DISC1: variants seen among roughly 807,000 people sequenced by gnomAD.
DISC1 encodes disrupted in schizophrenia 1 protein.
Under a neutral mutation model 84.5 loss-of-function variants are expected in DISC1, and 57 were observed. The ratio of observed to expected loss-of-function variants is 0.67; its 90% confidence interval spans 0.55 to 0.84. DISC1 has a LOEUF of 0.84. DISC1 is among the 40% of genes least tolerant of loss of function. The probability of loss-of-function intolerance (pLI) is 0.00; values close to 1 mark genes in which losing one functional copy is unlikely to be tolerated. For synonymous variants in DISC1, 411 were observed against 415.2 expected, an observed-to-expected ratio of 0.99 and a Z score of 0.12; for missense variants, 1,000 against 1,057.8, an observed-to-expected ratio of 0.95 and a Z score of 0.76.
Position 231,826,462 on chromosome 1 carries a change from A to G in DISC1, c.1981+7945A>G, listed in dbSNP as rs1480912542. Among the ~76,000 whole-genome samples, 1 of 152,176 alleles carries G rather than the reference A, an allele frequency of 6.6e-6. No homozygotes were observed. The highest frequency in any genetic ancestry group is 1.5e-5 in the Non-Finnish European group (1 of 68,038). On this transcript the variant is annotated intron_variant, in intron 9 of 12. Coordinates refer to ENST00000439617, the MANE Select transcript of DISC1 (RefSeq NM_018662.3). The surrounding 1 kb of genome is among the most constrained non-coding windows in gnomAD (Gnocchi z 4.2). ...TTTTTTTTCATTTTTGAAGTTTTCA[A>G]GCACCCTCCCTATATTTTGTGCCTG...
chr1:231,945,139 A>G (rs998305231), intron 9 of DISC1: 8 of 152,154 alleles, frequency 5.3e-5, no homozygotes, highest in African/African-American at 1.9e-4. Context: ...AACTTAATCC[A>G]TCACATAAAT....
chr1:232,040,736 C>A lies in DISC1; in HGVS notation c.*3905C>A, dbSNP rs972305897. ...GGTTAGGGAGTCAAAGAAACTGAGC[C>A]TGGGGCAAACGAGGCTTCCCACACT... On this transcript the variant is annotated 3_prime_UTR_variant, in exon 13 of 13. Coordinates refer to ENST00000439617, the MANE Select transcript of DISC1 (RefSeq NM_018662.3). 6.6e-6 allele frequency: 1 copy of A among 152,206 alleles called. No homozygotes were observed. The highest frequency in any genetic ancestry group is 2.4e-5 in the African/African-American group (1 of 41,444). The allele number at this position is 152,206 out of a possible 1,614,324, so 9.4% of individuals were successfully genotyped here.
At chr1:231,859,150 C>A (rs2084470103) in intron 9 of DISC1, among the ~76,000 whole-genome samples, 1 of 151,902 alleles carries the variant, frequency 6.6e-6, no homozygotes, top group Non-Finnish European at 1.5e-5. Flanking sequence ...ATCCCCCCAC[C>A]AAAAAAAAGT....
chr1:231,981,326 C>G (rs1399267565), intron 10 of DISC1, among the ~76,000 whole-genome samples: 5 of 152,140 alleles, frequency 3.3e-5, no homozygotes, highest in African/African-American at 1.2e-4. Context: ...ATACCAGTGG[C>G]ATGCAAAATG....
At chr1:231,774,383 G>A (rs532736903) in intron 6 of DISC1, among the ~76,000 whole-genome samples, 29 of 152,282 alleles carry the variant, frequency 1.9e-4, no homozygotes, top group African/African-American at 6.5e-4. Context: ...TTTCTCCTGC[G>A]ATAAGGAAGT....
chr1:231,723,557 G>C (rs1206798592), intron 3 of DISC1: 1 of 985,334 alleles, frequency 1.0e-6, no homozygotes, highest in Non-Finnish European at 1.2e-6. Context: ...TGTTATATCA[G>C]ACTTCTCTGA....
intron 9 of DISC1, among the ~76,000 whole-genome samples, chr1:231,926,570 T>G (rs1369469738): frequency 2.0e-5 from 3 of 152,208 alleles, no homozygotes; most frequent in Non-Finnish European, 4.4e-5. Context: ...ACTTGGTGAC[T>G]GGTCCCAGGC....
At chr1:231,878,228 A>G (rs1320451246) in intron 9 of DISC1, among the ~76,000 whole-genome samples, 1 of 152,206 alleles carries the variant, frequency 6.6e-6, no homozygotes, top group African/African-American at 2.4e-5. Flanking sequence ...AACTTAAAAC[A>G]AAGACACAGA....
intron 4 of DISC1, among the ~76,000 whole-genome samples, chr1:231,762,307 C>T (rs1433377028): frequency 1.4e-5 from 2 of 148,092 alleles, no homozygotes; most frequent in Non-Finnish European, 3.0e-5. Flanking sequence ...CCCTTGCCTG[C>T]CTGCCTGCCT....
chr1:231,711,317 T>C (rs1409607897), intron 3 of DISC1, among the ~76,000 whole-genome samples: 1 of 152,084 alleles, frequency 6.6e-6, no homozygotes, highest in African/African-American at 2.4e-5. Flanking sequence ...ATTGATTTTT[T>C]TTTTAGAATT....
At chr1:231,792,806 C>T (rs1051621840) in intron 6 of DISC1, among the ~76,000 whole-genome samples, 1 of 152,200 alleles carries the variant, frequency 6.6e-6, no homozygotes, top group African/African-American at 2.4e-5. Flanking sequence ...AAGATCCAAT[C>T]CCTGGCCAGC....
At chr1:231,843,062 C>A (rs991550894) in intron 9 of DISC1, among the ~76,000 whole-genome samples, 1 of 151,974 alleles carries the variant, frequency 6.6e-6, no homozygotes, top group Non-Finnish European at 1.5e-5. Context: ...CTGGGAGACA[C>A]CACCAGAAAA....
intron 9 of DISC1, among the ~76,000 whole-genome samples, chr1:231,848,015 T>C (rs1441327827): frequency 2.0e-5 from 3 of 152,160 alleles, no homozygotes; most frequent in Non-Finnish European, 4.4e-5. Context: ...ACTTTATTTT[T>C]TTAGGTGGGA....
intron 6 of DISC1, among the ~76,000 whole-genome samples, chr1:231,781,192 G>GAA (rs61353660): frequency 3.7e-5 from 5 of 134,040 alleles, no homozygotes; most frequent in Non-Finnish European, 7.7e-5. Context: ...GCAGCCTCAG[G>GAA]AAAAAAAAAA....
At chr1:231,942,930 A>G (rs1490043631) in intron 9 of DISC1, among the ~76,000 whole-genome samples, 2 of 152,302 alleles carry the variant, frequency 1.3e-5, no homozygotes, top group East Asian at 3.9e-4. Flanking sequence ...GACTAGTTTG[A>G]AAAGGTTGAA....
chr1:231,951,250 T>C (rs1368105134), intron 9 of DISC1, among the ~76,000 whole-genome samples: 2 of 152,192 alleles, frequency 1.3e-5, no homozygotes, highest in Non-Finnish European at 2.9e-5. Context: ...CAAATGTGGC[T>C]ATTAGGGCAG....
rs139052458 is a variant in DISC1, at chr1:231,810,268, A to G, written c.1793-8061A>G. 1.2e-3 allele frequency among the ~76,000 whole-genome samples: 179 copies of G among 152,326 alleles called. 1 individual carries two copies. Among genetic ancestry groups the G allele is most frequent in the African/African-American group, 4.1e-3 (170 of 41,570 alleles). ...TGCTCCTGTGTCTGCAGCTGCAGGG[A>G]AGCAGGAGAAACAGTGACGATGGTC... On this transcript the variant is annotated intron_variant, in intron 8 of 12. Coordinates refer to ENST00000439617, the MANE Select transcript of DISC1 (RefSeq NM_018662.3).
At chr1:232,003,210 T>A (rs990793937) in intron 10 of DISC1, among the ~76,000 whole-genome samples, 8 of 152,194 alleles carry the variant, frequency 5.3e-5, no homozygotes, top group Non-Finnish European at 7.4e-5. Flanking sequence ...ATGGGTTTTA[T>A]ACAATTCAGC....
chr1:231,909,855 C>T (rs892646594), intron 9 of DISC1, among the ~76,000 whole-genome samples: 1 of 152,080 alleles, frequency 6.6e-6, no homozygotes, highest in Non-Finnish European at 1.5e-5. Flanking sequence ...AATTTCAGAG[C>T]CTGTTATTGG....
Sources: gnomAD v4.1 joint callset for allele counts (sites outside exome capture counted in the v4.1 genomes callset) on GRCh38, gnomAD v4.1.1 for gene constraint, Gnocchi (gnomAD v3.1) non-coding constraint, MANE v1.5 for transcripts, NCBI Gene and HGNC (gene_info 2026-07-23, HGNC 2026-07-21) for gene names.